Variants in ATG7 observed in about 807,000 individuals in gnomAD.
ATG7 encodes the protein ubiquitin-like modifier-activating enzyme ATG7.
A neutral mutation model predicts 82.4 loss-of-function variants in ATG7; 70 were observed. The ratio of observed to expected loss-of-function variants is 0.85; its 90% confidence interval spans 0.70 to 1.04. The LOEUF (loss-of-function observed/expected upper bound fraction) is 1.04, where lower values mean the gene tolerates loss of function less well. Ranked by LOEUF, ATG7 falls within the 50% of genes least tolerant of loss-of-function variation. The pLI is 0.00. For synonymous variants in ATG7, 287 were observed against 313.0 expected, an observed-to-expected ratio of 0.92 and a Z score of 0.88; for missense variants, 792 against 864.3, an observed-to-expected ratio of 0.92 and a Z score of 1.05.
chr3:11,290,190 A>G (rs1944741350), intron 3 of ATG7, among the ~76,000 whole-genome samples: 2 of 152,242 alleles, frequency 1.3e-5, no homozygotes, highest in Admixed American at 1.3e-4. Flanking sequence ...AGTAGGTCAT[A>G]AGCAAATTAT....
At chr3:11,478,989 A>AACACACACAAACAC (rs766632953) in intron 20 of ATG7, among the ~76,000 whole-genome samples, 4,468 of 72,906 alleles carry the variant, frequency 0.061, 166 homozygotes, top group Admixed American at 0.083. Flanking sequence ...GTATATTTAC[A>AACACACACAAACAC]ACACACACAC....
chr3:11,362,814 C>G lies in ATG7; in HGVS notation c.1685C>G (p.Ser562Ter). ...FCNDVVAPGDSTRDRTLDQQC... is the reference protein window; with the variant it reads ...FCNDVVAPGD Reference sequence around the variant, plus strand: ...ACACCAATGATTGTTTCTTTGCAGTCAACCAGAGACCGGACCTTGGACCAG... The same window carrying G: ...ACACCAATGATTGTTTCTTTGCAGTGAACCAGAGACCGGACCTTGGACCAG... Residue 562 changes from serine to a stop codon, truncating the protein, a stop_gained and splice_region_variant, in exon 17 of 21, where the codon TCA becomes TGA. Coordinates refer to ENST00000693202, the MANE Select transcript of ATG7 (RefSeq NM_001349232.2). LOFTEE classifies it high-confidence loss of function. 1.9e-6 allele frequency: 3 copies of G among 1,613,738 alleles called. No individual in the cohort carries two copies. The highest frequency in any genetic ancestry group is 2.5e-6 in the Non-Finnish European group (3 of 1,179,772).
intron 19 of ATG7, among the ~76,000 whole-genome samples, chr3:11,383,072 T>G (rs185765159): frequency 1.7e-4 from 26 of 152,344 alleles, no homozygotes; most frequent in Admixed American, 7.2e-4. Flanking sequence ...CTTATCAAAT[T>G]CAGGCAATTT....
chr3:11,545,597 C>T (rs1559824003), intron 20 of ATG7, among the ~76,000 whole-genome samples: 1 of 152,190 alleles, frequency 6.6e-6, no homozygotes, highest in Non-Finnish European at 1.5e-5. Context: ...AACCCACAGC[C>T]TTCTGGCCTT....
In ATG7 at chr3:11,316,847, C is replaced by T. The variant is rs574791486; in HGVS notation, c.678+1354C>T. Among the ~76,000 whole-genome samples, 30 of 152,256 alleles carry T rather than the reference C, an allele frequency of 2.0e-4. 2 individuals are homozygous for T. The South Asian group carries it at 5.6e-3, about 28-fold the overall frequency. On this transcript the variant is annotated intron_variant, in intron 9 of 20. Coordinates refer to ENST00000693202, the MANE Select transcript of ATG7 (RefSeq NM_001349232.2). ...TTCTGAAATCAAATGGAATCATCTC[C>T]ATAGCCATGTGAATATATCAGAGCT...
intron 20 of ATG7, among the ~76,000 whole-genome samples, chr3:11,490,424 C>G (rs931234708): frequency 1.3e-5 from 2 of 152,116 alleles, no homozygotes; most frequent in Non-Finnish European, 2.9e-5. Flanking sequence ...ACTCTTTATC[C>G]AGTTTGCCAG....
intron 1 of ATG7, among the ~76,000 whole-genome samples, chr3:11,275,515 ATT>A (rs34040398): frequency 1.7e-4 from 19 of 109,164 alleles, no homozygotes; most frequent in African/African-American, 3.1e-4. Context: ...TGCCCGGCTA[ATT>A]TTTTTTTTTT....
intron 20 of ATG7, among the ~76,000 whole-genome samples, chr3:11,498,150 C>T (rs1332371490): frequency 1.3e-5 from 2 of 151,966 alleles, no homozygotes; most frequent in Admixed American, 6.6e-5. Context: ...CATATATACA[C>T]ACATATACAT....
chr3:11,331,018 C>A (rs1420714630), intron 9 of ATG7, among the ~76,000 whole-genome samples: 1 of 152,156 alleles, frequency 6.6e-6, no homozygotes, highest in Admixed American at 6.6e-5. Context: ...TCTCTACAAA[C>A]TCTCTTGACT....
intron 19 of ATG7, among the ~76,000 whole-genome samples, chr3:11,389,101 A>G (rs2078559648): frequency 6.6e-6 from 1 of 151,840 alleles, no homozygotes; most frequent in Non-Finnish European, 1.5e-5. Context: ...TACAAAAATT[A>G]GCCACACTTG....
At chr3:11,285,139 C>CTT (rs34116945) in intron 3 of ATG7, among the ~76,000 whole-genome samples, 9 of 104,090 alleles carry the variant, frequency 8.6e-5, no homozygotes, top group Non-Finnish European at 1.1e-4. Flanking sequence ...TGTGAGCCAC[C>CTT]TTTTTTTTTT....
At chr3:11,390,339 G>A (rs1034090686) in intron 19 of ATG7, among the ~76,000 whole-genome samples, 2 of 152,198 alleles carry the variant, frequency 1.3e-5, no homozygotes, top group African/African-American at 4.8e-5. Flanking sequence ...AAAAACATGT[G>A]TCTCCCAGCT....
At position 11,371,270 on chromosome 3, in the gene ATG7, G is replaced by A. The variant is rs150061502; in HGVS notation, c.1875+6536G>A. Among the ~76,000 whole-genome samples the A allele has an allele frequency of 4.1e-3, 616 of 151,226 alleles. 37 individuals carry two copies. Among genetic ancestry groups the A allele is most frequent in the African/African-American group, 0.014 (568 of 41,044 alleles). ...GGAAGAGAAGTAAGTGCTTTAGCAG[G>A]GGGACGTAGAACAGGCAGAAACAAT... is the stretch of plus-strand genomic sequence containing the variant. On this transcript the variant is annotated intron_variant, in intron 18 of 20. Transcript: ENST00000693202.
At chr3:11,371,915 T>C (rs1251108013) in intron 18 of ATG7, among the ~76,000 whole-genome samples, 1 of 151,262 alleles carries the variant, frequency 6.6e-6, no homozygotes, top group Non-Finnish European at 1.5e-5. Flanking sequence ...CGCACAGGTG[T>C]GCCTAATGAA....
chr3:11,555,611 C>T lies in ATG7; in HGVS notation c.*768C>T, dbSNP rs1433021528. 1.3e-5 allele frequency: 2 copies of T among 152,326 alleles called. No homozygotes were observed. The highest frequency in any genetic ancestry group is 2.1e-4 in the South Asian group (1 of 4,824). 9.4% of individuals were successfully genotyped at this position (152,326 alleles called of 1,614,324 possible). A position where few individuals can be genotyped will look rare whatever the true frequency, so the allele number is the denominator to read the frequency against. On this transcript the variant is annotated 3_prime_UTR_variant, in exon 21 of 21. Coordinates refer to ENST00000693202, the MANE Select transcript of ATG7 (RefSeq NM_001349232.2). ...TGGGGCTCCTCCCTGCCCTTATGAGCAGGCCAGGCCCAGAAAGGCCGAGCC... is the reference window on the plus strand; with the variant it reads ...TGGGGCTCCTCCCTGCCCTTATGAGTAGGCCAGGCCCAGAAAGGCCGAGCC...
chr3:11,561,870 C>G (rs969693227), downstream of ATG7, among the ~76,000 whole-genome samples: 2 of 151,602 alleles, frequency 1.3e-5, no homozygotes, highest in African/African-American at 4.9e-5. Context: ...GAAAGCAACC[C>G]CCAAGGCTGG....
At chr3:11,558,657 C>T (rs759514138), downstream of ATG7, 17 of 1,612,544 alleles carry the variant, frequency 1.1e-5, no homozygotes, top group Admixed American at 8.3e-5. Flanking sequence ...CTGGATGCTC[C>T]GTCCTTGGCC....
the ATG7 span, chr3:11,568,598 T>C: frequency 6.4e-7 from 1 of 1,565,728 alleles, no homozygotes; most frequent in Non-Finnish European, 8.7e-7. This position sits in a 1 kb window ranked among gnomAD's most constrained non-coding sequence, Gnocchi z 5.9. Context: ...AATTATACAT[T>C]ACTCACATTT....
At chr3:11,525,680 G>C (rs2124945000) in intron 20 of ATG7, among the ~76,000 whole-genome samples, 1 of 150,962 alleles carries the variant, frequency 6.6e-6, no homozygotes, top group African/African-American at 2.4e-5. Context: ...TCAGCCTCCT[G>C]AGTAGCTGGA....
Sources: allele counts gnomAD v4.1 joint callset (sites outside exome capture counted in the v4.1 genomes callset), GRCh38; gene constraint gnomAD v4.1.1; non-coding constraint Gnocchi (gnomAD v3.1); transcripts MANE v1.5; gene names NCBI Gene and HGNC (gene_info 2026-07-23, HGNC 2026-07-21).